The following CKAP5 variants were observed in gnomAD, a reference collection of about 807,000 sequenced individuals.
CKAP5 encodes cytoskeleton-associated protein 5.
CKAP5 carries 27 observed loss-of-function variants against 232.8 expected under a neutral mutation model. That is an observed-to-expected ratio of 0.12 (90% confidence interval 0.09 to 0.16). CKAP5 has a LOEUF of 0.16. Among genes scored for constraint, CKAP5 ranks in the 10% least tolerant of loss-of-function variants. The pLI is 1.00. For missense variants in CKAP5, 1,838 were observed against 2,424.7 expected, an observed-to-expected ratio of 0.76 and a Z score of 5.08; for synonymous variants, 785 against 841.1, an observed-to-expected ratio of 0.93 and a Z score of 1.16.
chr11:46,841,975 G>A (rs1266212146), intron 1 of CKAP5, among the ~76,000 whole-genome samples: 2 of 133,350 alleles, frequency 1.5e-5, no homozygotes, highest in African/African-American at 5.7e-5. Context: ...TCCAGCCCTG[G>A]AGAAAGAGTA....
chr11:46,803,643 A>G (rs1445860193), intron 8 of CKAP5, among the ~76,000 whole-genome samples: 6 of 152,156 alleles, frequency 3.9e-5, no homozygotes, highest in African/African-American at 1.4e-4. Flanking sequence ...TGTGATTCAA[A>G]CCCAGGTCAA....
intron 9 of CKAP5, among the ~76,000 whole-genome samples, chr11:46,798,381 C>A (rs1356918523): frequency 6.6e-6 from 1 of 151,900 alleles, no homozygotes; most frequent in Non-Finnish European, 1.5e-5. Flanking sequence ...TCAAGACCAG[C>A]CTGGGCAACA....
Position 46,788,755 on chromosome 11 carries a change from G to C in CKAP5, c.1894C>G (p.Arg632Gly), listed in dbSNP as rs762608958. 6.2e-7 allele frequency: 1 copy of C among 1,607,684 alleles called. No individual in the cohort carries two copies. The highest frequency in any genetic ancestry group is 1.7e-5 in the Admixed American group (1 of 58,376). The change falls in exon 16 of 44, where the codon CGA becomes GGA. Residue 632 changes from arginine to glycine, a missense_variant. By Grantham distance (125) the Arg-to-Gly change is moderately radical. Around this residue, in one of 6 missense-constraint regions of CKAP5, gnomAD observed 767 missense variants for 954.6 expected, o/e 0.80. Transcript: ENST00000529230. Reference protein sequence around the residue: ...EFQKAVELMDRTEMPCQALVR... With the variant: ...EFQKAVELMDGTEMPCQALVR... ...AATGCCTGGCATGGCATTTCAGTTC[G>C]GTCCATTAGCTCAACAGCCTTGAAG...
chr11:46,790,384 G>GT, intron 14 of CKAP5, 86 bp downstream of exon 14: 1 of 1,028,242 alleles, frequency 9.7e-7, no homozygotes, highest in Non-Finnish European at 1.5e-6. Flanking sequence ...ACTGTACGTT[G>GT]TAGAACCCAG....
At chr11:46,778,075 G>C in intron 22 of CKAP5, 64 bp downstream of exon 22, 7 of 1,391,954 alleles carry the variant, frequency 5.0e-6, no homozygotes, top group Non-Finnish European at 6.9e-6. Flanking sequence ...AGGCTACACT[G>C]AAAAGGTAAC....
At chr11:46,796,678 A>G (rs1487846160) in intron 12 of CKAP5, 134 bp downstream of exon 12, 2 of 959,502 alleles carry the variant, frequency 2.1e-6, no homozygotes, top group Non-Finnish European at 3.0e-6. Context: ...CTTTCCTACT[A>G]TAAATGGCAA....
At chr11:46,796,225 T>G (rs1592463739) in intron 12 of CKAP5, among the ~76,000 whole-genome samples, 2 of 141,422 alleles carry the variant, frequency 1.4e-5, no homozygotes, top group African/African-American at 5.5e-5. Context: ...ACAAAAAAGA[T>G]AAATTATCTA....
intron 1 of CKAP5, among the ~76,000 whole-genome samples, chr11:46,843,040 T>C (rs980062443): frequency 6.6e-6 from 1 of 151,448 alleles, no homozygotes; most frequent in African/African-American, 2.4e-5. Context: ...TCCCAGCACT[T>C]TGGGAGGCCA....
At chr11:46,815,664 A>G (rs1939381769) in intron 4 of CKAP5, among the ~76,000 whole-genome samples, 1 of 152,250 alleles carries the variant, frequency 6.6e-6, no homozygotes, top group East Asian at 1.9e-4. Flanking sequence ...AAAGGGATTC[A>G]GATAAAATAA....
Position 46,784,480 on chromosome 11 carries a change from T to A in CKAP5, c.2154+8A>T, listed in dbSNP as rs765196717. On this transcript the variant is annotated splice_region_variant and intron_variant, in intron 17 of 43. Coordinates refer to ENST00000529230, the MANE Select transcript of CKAP5 (RefSeq NM_001008938.4). ...AAACTAGAGGAATAAGACTTCTGTG[T>A]CACTAACCTGTTCAGCAGTCCATGG... The A allele has an allele frequency of 6.2e-7, 1 of 1,605,056 alleles. No homozygotes were observed. Among genetic ancestry groups the A allele is most frequent in the Non-Finnish European group, 8.5e-7 (1 of 1,175,374 alleles).
chr11:46,754,905 T>C lies in CKAP5; in HGVS notation c.4852A>G (p.Ile1618Val), dbSNP rs1265825273. The change falls in exon 36 of 44, where the codon ATT becomes GTT. Residue 1618 changes from isoleucine (I) to valine (V), a missense_variant. This residue lies in a region of CKAP5 where 579 missense variants were observed against 843.2 expected (regional missense o/e 0.69). Transcript: ENST00000529230. ...DEIIKLYSCI[I>V]GNMISLFQIE... The stretch of plus-strand genomic sequence containing the variant: ...GCCCTTACCGAAATCATGTTGCCAA[T>C]GATACAGCTATACAACTTGATGATC... 2 of 1,612,094 alleles carry C rather than the reference T, an allele frequency of 1.2e-6. No individual in the cohort carries two copies. The highest frequency in any genetic ancestry group is 1.7e-6 in the Non-Finnish European group (2 of 1,179,440).
In CKAP5 at chr11:46,788,841, A is replaced by G. The variant is rs546325155; in HGVS notation, c.1876-68T>C. ...TACTTCCAAAGGAAGAGTAAATACC[A>G]AAGTCAAGTAAGTGGTTACCTCTGA... On this transcript the variant is annotated intron_variant, in intron 15 of 43. Coordinates refer to ENST00000529230, the MANE Select transcript of CKAP5 (RefSeq NM_001008938.4). 1.9e-5 allele frequency: 21 copies of G among 1,108,050 alleles called. No individual in the cohort carries two copies. In the Admixed American group the frequency reaches 3.9e-4, roughly 20 times the overall value. The allele number at this position is 1,108,050 out of a possible 1,614,324, so 68.6% of individuals were successfully genotyped here. A position where few individuals can be genotyped will look rare whatever the true frequency, so the allele number is the denominator to read the frequency against.
chr11:46,770,432 AATAT>A (rs998262269), intron 25 of CKAP5, among the ~76,000 whole-genome samples: 3 of 152,096 alleles, frequency 2.0e-5, no homozygotes, highest in Non-Finnish European at 4.4e-5. Context: ...ATTCATGTTT[AATAT>A]ATATATATTT....
At chr11:46,828,107 A>G (rs1211601701) in intron 1 of CKAP5, among the ~76,000 whole-genome samples, 1 of 152,230 alleles carries the variant, frequency 6.6e-6, no homozygotes, top group Non-Finnish European at 1.5e-5. Flanking sequence ...AATTTCTCCT[A>G]TCCACAACAG....
chr11:46,826,983 T>A (rs1939673402), intron 1 of CKAP5: 1 of 152,744 alleles, frequency 6.5e-6, no homozygotes, highest in African/African-American at 2.4e-5. Context: ...CAGTGTATCT[T>A]CGCCCAGAGG....
intron 8 of CKAP5, among the ~76,000 whole-genome samples, chr11:46,802,872 A>C (rs1016506561): frequency 2.6e-5 from 4 of 152,186 alleles, no homozygotes; most frequent in African/African-American, 9.7e-5. Flanking sequence ...TATTGAAAAA[A>C]CAAATTAGGC....
chr11:46,754,834 C>A, intron 36 of CKAP5, 54 bp downstream of exon 36: 1 of 1,505,106 alleles, frequency 6.6e-7, no homozygotes. Context: ...GCTTTTGAAC[C>A]TCTGTAGGCT....
intron 1 of CKAP5, among the ~76,000 whole-genome samples, chr11:46,844,359 C>T (rs1427393578): frequency 6.6e-6 from 1 of 152,152 alleles, no homozygotes; most frequent in Non-Finnish European, 1.5e-5. Flanking sequence ...ACAAGCCCTA[C>T]GCCTCTCTTC....
chr11:46,746,916 C>T (rs2065026843), intron 42 of CKAP5, among the ~76,000 whole-genome samples: 1 of 152,142 alleles, frequency 6.6e-6, no homozygotes, highest in Non-Finnish European at 1.5e-5. Flanking sequence ...CACTTGAGAC[C>T]AGGAAGACCA....
Sources: allele counts gnomAD v4.1 joint callset (sites outside exome capture counted in the v4.1 genomes callset), GRCh38; gene constraint gnomAD v4.1.1; regional missense constraint gnomAD v4.1.1; transcripts MANE v1.5; gene names NCBI Gene and HGNC (gene_info 2026-07-23, HGNC 2026-07-21).